SMC1B: variants seen among roughly 807,000 people sequenced by gnomAD.
SMC1B encodes the protein structural maintenance of chromosomes protein 1B.
In SMC1B, 60 loss-of-function variants were observed where a neutral mutation model predicts 157.9. The observed-to-expected ratio is 0.38, with a 90% CI of 0.31 to 0.47. SMC1B has a LOEUF of 0.47. Ranked by LOEUF, SMC1B falls within the 20% of genes least tolerant of loss-of-function variation. The pLI is 0.99. For synonymous variants in SMC1B, 445 were observed against 483.0 expected (o/e 0.92, Z 1.03); for missense variants, 1,165 against 1,426.2 (o/e 0.82, Z 2.95).
chr22:45,382,916 C>T (rs1352931975), intron 12 of SMC1B, among the ~76,000 whole-genome samples: 1 of 152,076 alleles, frequency 6.6e-6, no homozygotes, highest in Non-Finnish European at 1.5e-5. Flanking sequence ...GGCGGATCAA[C>T]TGAGGTCAGG....
Position 45,383,560 on chromosome 22 carries a change from C to T in SMC1B, c.1965G>A (p.Gly655=). 6.2e-7 allele frequency: 1 copy of T among 1,610,074 alleles called. No homozygotes were observed. The highest frequency in any genetic ancestry group is 8.5e-7 in the Non-Finnish European group (1 of 1,178,656). Residue 655 remains glycine, a synonymous_variant, in exon 12 of 25, where the codon GGG becomes GGA. Coordinates refer to ENST00000357450, the MANE Select transcript of SMC1B (RefSeq NM_148674.5). ...TAGCCTTGTATTTTAAGTCACTTGA[C>T]CCTCCAGAGATCACTCCAGATTTTA... ...LFLKSGVISG[G]SSDLKYKARC... is the part of the protein sequence containing the mutation.
chr22:45,394,817 C>G, intron 7 of SMC1B, 50 bp from the exon 8 acceptor site: 1 of 1,445,256 alleles, frequency 6.9e-7, no homozygotes, highest in Non-Finnish European at 9.2e-7. Flanking sequence ...TCCAAACCAA[C>G]AAAATTACAT....
chr22:45,345,495 A>G lies in SMC1B; in HGVS notation c.3570T>C (p.Tyr1190=), dbSNP rs1215570440. ...MIVISLKEEF[Y]SRADALIGIY... is the part of the protein sequence containing the mutation. ...TGCCGATCAGCGCGTCGGCTCTGGA[A>G]TAGAACTCTTCTTTTAGGGAGATGA... The change falls in exon 24 of 25, where the codon TAT becomes TAC. Residue 1190 remains tyrosine (Y), a synonymous_variant. Coordinates refer to ENST00000357450, the MANE Select transcript of SMC1B (RefSeq NM_148674.5). The G allele has an allele frequency of 6.2e-7, 1 of 1,614,012 alleles. No homozygotes were observed. The highest frequency in any genetic ancestry group is 8.5e-7 in the Non-Finnish European group (1 of 1,179,902).
chr22:45,408,248 C>G (rs1342987636), intron 2 of SMC1B, among the ~76,000 whole-genome samples: 1 of 152,122 alleles, frequency 6.6e-6, no homozygotes, highest in East Asian at 1.9e-4. Flanking sequence ...GCCTCAGCCT[C>G]CCGAGTAGCT....
intron 4 of SMC1B, among the ~76,000 whole-genome samples, chr22:45,406,061 T>G (rs891888642): frequency 6.6e-6 from 1 of 152,220 alleles, no homozygotes; most frequent in African/African-American, 2.4e-5. Context: ...CATTAAAATA[T>G]TTTTTAAATT....
At position 45,387,186 on chromosome 22, in the gene SMC1B, G is replaced by A. The variant is rs1347357132; in HGVS notation, c.1732-140C>T. The stretch of plus-strand genomic sequence containing the variant: ...GTACCCAGCCAGGCGTGATGCTCAC[G>A]CCTGTAATCCCAGAATTTTGGGAGG... On this transcript the variant is annotated intron_variant, in intron 10 of 24. Transcript: ENST00000357450. The A allele has an allele frequency of 2.0e-5, 14 of 704,226 alleles. No homozygotes were observed. The East Asian group carries it at 2.2e-4, about 11-fold the overall frequency. The allele number at this position is 704,226 out of a possible 1,614,324, so 43.6% of individuals were successfully genotyped here.
At chr22:45,409,292 G>T (rs1337098154) in intron 1 of SMC1B, among the ~76,000 whole-genome samples, 1 of 152,150 alleles carries the variant, frequency 6.6e-6, no homozygotes, top group Admixed American at 6.6e-5. Flanking sequence ...GGCTGGACGC[G>T]GTGGCTCATG....
chr22:45,408,736 T>C lies in SMC1B; in HGVS notation c.272A>G (p.Glu91Gly), dbSNP rs2087293343. ...KIIYVEESGE[E>G]KTFARIIRGG... is the part of the protein sequence containing the mutation. Reference sequence around the variant, plus strand: ...TCGGATAATCCTTGCAAATGTTTTCTCTTCGCCACTTTCCTCCACATATAT... The same window carrying C: ...TCGGATAATCCTTGCAAATGTTTTCCCTTCGCCACTTTCCTCCACATATAT... The change falls in exon 2 of 25, where the codon GAG becomes GGG. Residue 91 changes from glutamate (E) to glycine (G), a missense_variant. Coordinates refer to ENST00000357450, the MANE Select transcript of SMC1B (RefSeq NM_148674.5). The C allele has an allele frequency of 6.3e-7, 1 of 1,596,546 alleles. No homozygotes were observed. The highest frequency in any genetic ancestry group is 8.5e-7 in the Non-Finnish European group (1 of 1,174,642).
intron 12 of SMC1B, among the ~76,000 whole-genome samples, chr22:45,383,154 A>C (rs779017021): frequency 2.0e-5 from 3 of 151,926 alleles, no homozygotes; most frequent in Non-Finnish European, 2.9e-5. Flanking sequence ...ACAAAAAACA[A>C]ACAAAAAACT....
chr22:45,378,215 G>GT (rs1187431137), intron 12 of SMC1B, among the ~76,000 whole-genome samples: 1 of 151,864 alleles, frequency 6.6e-6, no homozygotes, highest in African/African-American at 2.4e-5. Context: ...GAAATATTTT[G>GT]TAATTTGCCT....
chr22:45,355,462 A>C (rs1387899742), intron 19 of SMC1B, among the ~76,000 whole-genome samples: 1 of 152,206 alleles, frequency 6.6e-6, no homozygotes, highest in Non-Finnish European at 1.5e-5. Flanking sequence ...AAAGACTTAC[A>C]GGGAAGTCAG....
chr22:45,399,404 A>AT (rs769345386), intron 5 of SMC1B, 51 bp from the exon 6 acceptor site: 1 of 1,498,420 alleles, frequency 6.7e-7, no homozygotes, highest in African/African-American at 1.4e-5. Context: ...TCTTTAATAT[A>AT]TAAAGGGAAG....
intron 4 of SMC1B, among the ~76,000 whole-genome samples, chr22:45,404,965 C>A (rs190806695): frequency 6.6e-6 from 1 of 152,078 alleles, no homozygotes; most frequent in Non-Finnish European, 1.5e-5. Flanking sequence ...CAGCAATAAA[C>A]GCTACAAAAG....
intron 6 of SMC1B, among the ~76,000 whole-genome samples, chr22:45,396,915 GC>G (rs2087131627): frequency 6.6e-6 from 1 of 151,916 alleles, no homozygotes; most frequent in African/African-American, 2.4e-5. Context: ...TACTTAAGGT[GC>G]TTTAAAATGT....
intron 4 of SMC1B, 91 bp from the exon 5 acceptor site, chr22:45,402,662 A>T (rs1337577652): frequency 1.2e-6 from 1 of 845,260 alleles, no homozygotes; most frequent in Non-Finnish European, 1.9e-6. Context: ...CAAATTAACT[A>T]ATGAATGTTT....
chr22:45,354,682 C>T lies in SMC1B; in HGVS notation c.3118+277G>A, dbSNP rs374419164. Among the ~76,000 whole-genome samples the T allele has an allele frequency of 7.9e-5, 12 of 152,160 alleles. No individual in the cohort carries two copies. In the South Asian group the frequency reaches 8.3e-4, roughly 11 times the overall value. On this transcript the variant is annotated intron_variant, in intron 20 of 24. Transcript: ENST00000357450. Reference sequence around the variant, plus strand: ...CTGGGATTACAGGCGTGAGCTACTGCGCCCAGCCTGATAAGAGTATTTATT... The same window carrying T: ...CTGGGATTACAGGCGTGAGCTACTGTGCCCAGCCTGATAAGAGTATTTATT...
intron 2 of SMC1B, among the ~76,000 whole-genome samples, chr22:45,407,488 G>GTC (rs2087275777): frequency 6.6e-6 from 1 of 151,672 alleles, no homozygotes; most frequent in Non-Finnish European, 1.5e-5. Context: ...CTGAGACAGG[G>GTC]TCTTGCTCTG....
intron 12 of SMC1B, among the ~76,000 whole-genome samples, chr22:45,375,312 CAT>C (rs1236732487): frequency 2.0e-5 from 3 of 152,300 alleles, no homozygotes; most frequent in Non-Finnish European, 4.4e-5. Context: ...ATTCATCTTA[CAT>C]ATGTTGATCG....
intron 9 of SMC1B, among the ~76,000 whole-genome samples, chr22:45,390,780 T>C (rs1014832795): frequency 7.9e-5 from 12 of 152,046 alleles, no homozygotes; most frequent in Admixed American, 2.6e-4. Context: ...TGGTCAAGAA[T>C]TAATTAGACT....
Sources: gnomAD v4.1 joint callset for allele counts (sites outside exome capture counted in the v4.1 genomes callset) on GRCh38, gnomAD v4.1.1 for gene constraint, MANE v1.5 for transcripts, NCBI Gene and HGNC (gene_info 2026-07-23, HGNC 2026-07-21) for gene names.